The following PRKG1 variants were observed in gnomAD, a reference collection of about 807,000 sequenced individuals.
PRKG1 encodes cGMP-dependent protein kinase 1.
A neutral mutation model predicts 88.1 loss-of-function variants in PRKG1; 35 were observed. The ratio of observed to expected loss-of-function variants is 0.40; its 90% CI spans 0.30 to 0.53. The LOEUF is 0.53. Among genes scored for constraint, PRKG1 ranks in the 20% least tolerant of loss-of-function variants. PRKG1 has a pLI of 0.59. For synonymous variants in PRKG1, 303 were observed against 292.5 expected, an observed-to-expected ratio of 1.04 and a Z score of -0.37; for missense variants, 540 against 839.8, an observed-to-expected ratio of 0.64 and a Z score of 4.41.
intron 3 of PRKG1, among the ~76,000 whole-genome samples, chr10:51,730,039 A>G (rs1309619951): frequency 6.6e-6 from 1 of 152,182 alleles, no homozygotes; most frequent in East Asian, 1.9e-4. Flanking sequence ...CATAGTTTAC[A>G]TTAGGGTTCA....
intron 4 of PRKG1, among the ~76,000 whole-genome samples, chr10:51,825,626 C>T (rs527353408): frequency 5.3e-5 from 8 of 152,218 alleles, no homozygotes; most frequent in African/African-American, 1.7e-4. Context: ...GACACCTCAC[C>T]CTGAGCTCCC....
chr10:51,852,126 G>GAT lies in PRKG1; in HGVS notation c.698+47446_698+47447dup, dbSNP rs1004513277. Among the ~76,000 whole-genome samples, 96 of 148,532 alleles carry GAT rather than the reference G, an allele frequency of 6.5e-4. No homozygotes were observed. In the Middle Eastern group the frequency reaches 0.011, roughly 17 times the overall value. The stretch of plus-strand genomic sequence containing the variant: ...TAGACTTATATATATATTTACATAT[G>GAT]ATATATATATAAGTTTAGGCAAATC... On this transcript the variant is annotated intron_variant, in intron 4 of 17. Transcript: ENST00000373980.
At chr10:51,536,003 A>G (rs1396362283) in intron 3 of PRKG1, among the ~76,000 whole-genome samples, 2 of 152,210 alleles carry the variant, frequency 1.3e-5, no homozygotes, top group East Asian at 3.9e-4. Flanking sequence ...GATTACAGGC[A>G]TGAGCCATTG....
intron 2 of PRKG1, among the ~76,000 whole-genome samples, chr10:51,162,653 G>C (rs1345534620): frequency 6.6e-6 from 1 of 151,830 alleles, no homozygotes; most frequent in South Asian, 2.1e-4. Context: ...TTTTTTCCTT[G>C]TATCACAAAA....
chr10:51,662,891 G>A (rs1840334051), intron 3 of PRKG1, among the ~76,000 whole-genome samples: 1 of 152,060 alleles, frequency 6.6e-6, no homozygotes, highest in South Asian at 2.1e-4. Context: ...CAGTAAGTGT[G>A]GAGTGTATTG....
intron 5 of PRKG1, among the ~76,000 whole-genome samples, chr10:51,913,621 A>G (rs1842274019): frequency 6.6e-6 from 1 of 152,170 alleles, no homozygotes; most frequent in Non-Finnish European, 1.5e-5. Context: ...TTGGTCAAAA[A>G]TCTGTCCAGA....
At chr10:51,416,547 C>G (rs756493320) in intron 2 of PRKG1, among the ~76,000 whole-genome samples, 1 of 152,114 alleles carries the variant, frequency 6.6e-6, no homozygotes, top group Non-Finnish European at 1.5e-5. Context: ...CACCGGGACA[C>G]AGTAATCTTG....
intron 2 of PRKG1, among the ~76,000 whole-genome samples, chr10:51,438,674 T>C (rs1839007963): frequency 6.6e-6 from 1 of 151,924 alleles, no homozygotes; most frequent in Non-Finnish European, 1.5e-5. Context: ...GATACTGACT[T>C]TGATCACCTG....
chr10:51,388,315 G>A (rs914889669), intron 2 of PRKG1, among the ~76,000 whole-genome samples: 2 of 152,122 alleles, frequency 1.3e-5, no homozygotes, highest in Admixed American at 6.5e-5. Flanking sequence ...TAAAGAAACC[G>A]AGTCCAGTGA....
chr10:51,932,231 T>C (rs1301936174), intron 5 of PRKG1, among the ~76,000 whole-genome samples: 1 of 151,884 alleles, frequency 6.6e-6, no homozygotes, highest in Non-Finnish European at 1.5e-5. Flanking sequence ...ATTTTTATTC[T>C]TTAACTATCA....
chr10:51,631,397 T>C (rs1439416369), intron 3 of PRKG1, among the ~76,000 whole-genome samples: 3 of 152,178 alleles, frequency 2.0e-5, no homozygotes, highest in Non-Finnish European at 4.4e-5. Flanking sequence ...GGACTAAAAT[T>C]AGTGTCGGAT....
intron 2 of PRKG1, among the ~76,000 whole-genome samples, chr10:51,412,180 T>TGAGAGAGAGAGAGAGA (rs746950388): frequency 1.6e-5 from 2 of 125,262 alleles, no homozygotes; most frequent in Admixed American, 8.1e-5. Flanking sequence ...GGAGAGAGAG[T>TGAGAGAGAGAGAGAGA]GAGAGAGAGA....
At chr10:51,082,543 G>T (rs1019717682) in intron 1 of PRKG1, among the ~76,000 whole-genome samples, 2 of 152,116 alleles carry the variant, frequency 1.3e-5, no homozygotes, top group African/African-American at 4.8e-5. Flanking sequence ...TTAACGTGTA[G>T]CAAAATTTGA....
At chr10:51,542,686 T>C (rs1842337542) in intron 3 of PRKG1, among the ~76,000 whole-genome samples, 1 of 152,030 alleles carries the variant, frequency 6.6e-6, no homozygotes, top group Non-Finnish European at 1.5e-5. Flanking sequence ...GTCTGCAAAC[T>C]ATTATTGAAG....
At chr10:51,698,215 G>A in intron 3 of PRKG1, 1 of 1,614,052 alleles carries the variant, frequency 6.2e-7, no homozygotes, top group South Asian at 1.1e-5. Flanking sequence ...CCATCCCTCT[G>A]GTTTCCATCG....
At chr10:51,953,183 T>C (rs1407073813) in intron 5 of PRKG1, among the ~76,000 whole-genome samples, 1 of 152,146 alleles carries the variant, frequency 6.6e-6, no homozygotes, top group Non-Finnish European at 1.5e-5. Context: ...ATGTCACCAA[T>C]GGAAGATTAT....
intron 9 of PRKG1, among the ~76,000 whole-genome samples, chr10:52,186,276 A>AAG (rs368537340): frequency 6.6e-6 from 1 of 151,862 alleles, no homozygotes; most frequent in Admixed American, 6.6e-5. Flanking sequence ...TAGTGGTAGC[A>AAG]AGAGAGAGAG....
intron 2 of PRKG1, among the ~76,000 whole-genome samples, chr10:51,380,395 A>T (rs1306954653): frequency 1.3e-5 from 2 of 152,172 alleles, no homozygotes; most frequent in African/African-American, 4.8e-5. Context: ...CTCCCCGTTA[A>T]GCATAATCTC....
rs1296564640 is a variant in PRKG1, at chr10:51,728,250, T to C, written c.593-76335T>C. 3.4e-4 allele frequency among the ~76,000 whole-genome samples: 52 copies of C among 152,032 alleles called. 1 individual carries two copies. Among genetic ancestry groups the C allele is most frequent in the Admixed American group, 3.4e-3 (52 of 15,264 alleles). On this transcript the variant is annotated intron_variant, in intron 3 of 17. Coordinates refer to ENST00000373980, the MANE Select transcript of PRKG1 (RefSeq NM_006258.4). ...TGCAAAGTAATTGATTCTGTTTCTG[T>C]TTGCAACTGTACTAAGATATTGCCT...
Sources: gnomAD v4.1 joint callset for allele counts (sites outside exome capture counted in the v4.1 genomes callset) on GRCh38, gnomAD v4.1.1 for gene constraint, MANE v1.5 for transcripts, NCBI Gene and HGNC (gene_info 2026-07-23, HGNC 2026-07-21) for gene names.